ASTN2: variants seen among roughly 807,000 people sequenced by gnomAD.
The protein encoded by ASTN2 is astrotactin 2, also known as astrotactin-2.
Under a neutral mutation model 139.8 loss-of-function variants are expected in ASTN2, and 54 were observed. The observed-to-expected ratio is 0.39, with a 90% CI of 0.31 to 0.48. ASTN2 has a LOEUF of 0.48. Ranked by LOEUF, ASTN2 falls within the 20% of genes least tolerant of loss-of-function variation. ASTN2 has a pLI of 0.95. For missense variants in ASTN2, 1,565 were observed against 1,725.1 expected (o/e 0.91, Z 1.64); for synonymous variants, 756 against 719.5 (o/e 1.05, Z -0.81).
chr9:117,214,140 C>A (rs1397954373), intron 3 of ASTN2, among the ~76,000 whole-genome samples: 1 of 152,188 alleles, frequency 6.6e-6, no homozygotes, highest in African/African-American at 2.4e-5. Context: ...CTCCTCACAA[C>A]TCCAATTCTG....
intron 5 of ASTN2, among the ~76,000 whole-genome samples, chr9:117,049,811 T>C (rs1838862341): frequency 6.6e-6 from 1 of 152,166 alleles, no homozygotes; most frequent in African/African-American, 2.4e-5. Flanking sequence ...TTCAGGAGGC[T>C]AAAGACTATT....
chr9:116,460,136 A>G (rs116969940), intron 20 of ASTN2, among the ~76,000 whole-genome samples: 1 of 152,258 alleles, frequency 6.6e-6, no homozygotes, highest in Non-Finnish European at 1.5e-5. Context: ...TGCTAAGTGA[A>G]AGAATCCAGA....
intron 20 of ASTN2, among the ~76,000 whole-genome samples, chr9:116,454,737 T>C (rs945050927): frequency 1.7e-4 from 26 of 152,138 alleles, no homozygotes; most frequent in Non-Finnish European, 2.9e-4. Context: ...ATGTCCTTTG[T>C]AGGGACATGG....
Position 116,947,520 on chromosome 9 carries a change from G to T in ASTN2, c.1889+27688C>A, listed in dbSNP as rs114224311. Among the ~76,000 whole-genome samples, 1,244 of 152,246 alleles carry T rather than the reference G, an allele frequency of 8.2e-3. 17 individuals are homozygous for T. The highest frequency in any genetic ancestry group is 0.031 in the Middle Eastern group (9 of 294). On this transcript the variant is annotated intron_variant, in intron 10 of 22. Transcript: ENST00000313400. Reference sequence around the variant, plus strand: ...TATACTCCCTCCTAAAAGCAAGGGGGAATAAAAGTTACATGCATCTTTTTC... The same window carrying T: ...TATACTCCCTCCTAAAAGCAAGGGGTAATAAAAGTTACATGCATCTTTTTC...
chr9:116,545,062 C>A (rs2119371907), intron 19 of ASTN2, among the ~76,000 whole-genome samples: 1 of 152,282 alleles, frequency 6.6e-6, no homozygotes, highest in East Asian at 1.9e-4. Flanking sequence ...TTCCAGCTTC[C>A]CAGCCAGCTT....
In ASTN2 at chr9:116,699,321, G is replaced by T. The variant is rs368901621; in HGVS notation, c.2806+26450C>A. 3 of 1,614,184 alleles carry T rather than the reference G, an allele frequency of 1.9e-6. No individual in the cohort carries two copies. Among genetic ancestry groups the T allele is most frequent in the Non-Finnish European group, 2.5e-6 (3 of 1,180,042 alleles). On this transcript the variant is annotated intron_variant, in intron 16 of 22. Coordinates refer to ENST00000313400, the MANE Select transcript of ASTN2 (RefSeq NM_001365068.1). This position sits in a 1 kb window ranked among gnomAD's most constrained non-coding sequence, Gnocchi z 4.2. Reference sequence around the variant, plus strand: ...TGTCACCTGTGATGCTGAGGGCACCGTCTACTTCACCCAGGGCTTAGGCCT... The same window carrying T: ...TGTCACCTGTGATGCTGAGGGCACCTTCTACTTCACCCAGGGCTTAGGCCT...
Position 117,414,397 on chromosome 9 carries a change from C to A in ASTN2, c.442+100G>T. 1 of 1,538,394 alleles carries A rather than the reference C, an allele frequency of 6.5e-7. No homozygotes were observed. Among genetic ancestry groups the A allele is most frequent in the Non-Finnish European group, 8.7e-7 (1 of 1,143,220 alleles). On this transcript the variant is annotated intron_variant, in intron 1 of 22. Transcript: ENST00000313400. The surrounding 1 kb of genome is among the most constrained non-coding windows in gnomAD (Gnocchi z 4.2). ...TACCCTCTGCCAACCCCACTCGGGG[C>A]AGCCCCGGGCAGGGATCCCCAGGGC...
chr9:117,006,994 G>A (rs575618552), intron 7 of ASTN2, among the ~76,000 whole-genome samples: 1 of 152,240 alleles, frequency 6.6e-6, no homozygotes, highest in African/African-American at 2.4e-5. Flanking sequence ...ATGCGTGCCT[G>A]TAATCCCCGC....
At chr9:116,921,024 T>G (rs1352952394) in intron 10 of ASTN2, among the ~76,000 whole-genome samples, 1 of 152,170 alleles carries the variant, frequency 6.6e-6, no homozygotes, top group Non-Finnish European at 1.5e-5. Flanking sequence ...CTACAGGCTT[T>G]ATAGGAAGTA....
At chr9:116,844,553 C>T (rs1207198489) in intron 11 of ASTN2, among the ~76,000 whole-genome samples, 1 of 150,284 alleles carries the variant, frequency 6.7e-6, no homozygotes, top group Non-Finnish European at 1.5e-5. Flanking sequence ...TCAACTTCCT[C>T]AAAGTAAAAT....
Position 116,746,322 on chromosome 9 carries a change from G to A in ASTN2, c.2397-12799C>T, listed in dbSNP as rs111416398. ...AGGCTGGTCTCAAACTCCTGATCTC[G>A]TGATCTGCCTGTCTCAGCCTCCTAA... On this transcript the variant is annotated intron_variant, in intron 13 of 22. Coordinates refer to ENST00000313400, the MANE Select transcript of ASTN2 (RefSeq NM_001365068.1). Among the ~76,000 whole-genome samples the A allele has an allele frequency of 1.1e-4, 17 of 152,080 alleles. 2 individuals carry two copies. Among genetic ancestry groups the A allele is most frequent in the Admixed American group, 3.9e-4 (6 of 15,278 alleles).
chr9:116,431,095 C>T (rs896806859), intron 22 of ASTN2, among the ~76,000 whole-genome samples: 1 of 152,194 alleles, frequency 6.6e-6, no homozygotes, highest in Non-Finnish European at 1.5e-5. Context: ...AGACAGGAAT[C>T]GCTTGTGAAA....
intron 5 of ASTN2, among the ~76,000 whole-genome samples, chr9:117,071,599 C>T (rs1376993329): frequency 6.7e-6 from 1 of 150,016 alleles, no homozygotes; most frequent in East Asian, 2.0e-4. Flanking sequence ...GGCGGGCGCC[C>T]CTCCCCCAGC....
chr9:117,059,341 T>A (rs571703293), intron 5 of ASTN2, among the ~76,000 whole-genome samples: 1 of 152,050 alleles, frequency 6.6e-6, no homozygotes, highest in Admixed American at 6.6e-5. Flanking sequence ...AGGCCAGGCG[T>A]GGTGGCTCAT....
At chr9:117,146,408 A>G (rs1278692795) in intron 3 of ASTN2, among the ~76,000 whole-genome samples, 1 of 151,612 alleles carries the variant, frequency 6.6e-6, no homozygotes, top group Non-Finnish European at 1.5e-5. Context: ...TGAGGAAGAA[A>G]GCCCTGGTCC....
Position 116,762,811 on chromosome 9 carries a change from G to A in ASTN2, c.2397-29288C>T, listed in dbSNP as rs181399390. On this transcript the variant is annotated intron_variant, in intron 13 of 22. Coordinates refer to ENST00000313400, the MANE Select transcript of ASTN2 (RefSeq NM_001365068.1). ...AGCTGATTACTTGCAACAAAGATCA[G>A]GTAGCTGGAAAGCTCAAAATATTTA... Among the ~76,000 whole-genome samples the A allele has an allele frequency of 6.5e-3, 986 of 152,336 alleles. 63 individuals carry two copies. In the South Asian group the frequency reaches 0.16, roughly 25 times the overall value.
At chr9:117,243,111 T>G (rs2133076964) in intron 2 of ASTN2, among the ~76,000 whole-genome samples, 1 of 152,336 alleles carries the variant, frequency 6.6e-6, no homozygotes, top group Admixed American at 6.5e-5. Context: ...CTATTCTTCT[T>G]TCCTAATAAG....
intron 2 of ASTN2, among the ~76,000 whole-genome samples, chr9:117,278,405 C>T (rs1314562443): frequency 6.6e-6 from 1 of 152,206 alleles, no homozygotes; most frequent in Non-Finnish European, 1.5e-5. Flanking sequence ...AAACAACACA[C>T]ACACATTCAC....
chr9:116,516,234 C>T (rs973294069), intron 19 of ASTN2, among the ~76,000 whole-genome samples: 1 of 152,150 alleles, frequency 6.6e-6, no homozygotes, highest in East Asian at 1.9e-4. Context: ...CAAATATCTA[C>T]TGTTTCAGAC....
Sources: gnomAD v4.1 joint callset for allele counts (sites outside exome capture counted in the v4.1 genomes callset) on GRCh38, gnomAD v4.1.1 for gene constraint, Gnocchi (gnomAD v3.1) non-coding constraint, MANE v1.5 for transcripts, NCBI Gene and HGNC (gene_info 2026-07-23, HGNC 2026-07-21) for gene names.